DPYD: variants seen among roughly 807,000 people sequenced by gnomAD.
DPYD encodes the protein dihydropyrimidine dehydrogenase, also known as dihydropyrimidine dehydrogenase [NADP(+)].
In DPYD, 109 loss-of-function variants were observed where a neutral mutation model predicts 116.2. That is an observed-to-expected ratio of 0.94 (90% CI 0.80 to 1.10). The LOEUF is 1.10. Among genes scored for constraint, DPYD ranks in the 50% least tolerant of loss-of-function variants. DPYD has a pLI of 0.00. For synonymous variants in DPYD, 440 were observed against 432.0 expected (o/e 1.02, Z -0.23); for missense variants, 1,302 against 1,254.5 (o/e 1.04, Z -0.57).
chr1:97,261,352 T>A (rs1397404107), intron 18 of DPYD, among the ~76,000 whole-genome samples: 4 of 152,038 alleles, frequency 2.6e-5, no homozygotes, highest in African/African-American at 9.7e-5. Flanking sequence ...TGTAAATATA[T>A]GTATCTGCAA....
intron 20 of DPYD, among the ~76,000 whole-genome samples, chr1:97,127,513 C>T (rs1652940617): frequency 6.6e-6 from 1 of 152,104 alleles, no homozygotes; most frequent in Admixed American, 6.6e-5. Flanking sequence ...TATCCCATTC[C>T]ACCTCCTTTT....
At chr1:97,458,312 A>G (rs1676813171) in intron 13 of DPYD, among the ~76,000 whole-genome samples, 1 of 152,192 alleles carries the variant, frequency 6.6e-6, no homozygotes, top group South Asian at 2.1e-4. Flanking sequence ...TAAAAGAGTC[A>G]AGAGAGGAGT....
At chr1:97,323,563 A>G (rs1392445491) in intron 16 of DPYD, among the ~76,000 whole-genome samples, 1 of 109,208 alleles carries the variant, frequency 9.2e-6, no homozygotes, top group African/African-American at 3.5e-5. Flanking sequence ...ATATGTGTAT[A>G]TATACACGTA....
intron 20 of DPYD, among the ~76,000 whole-genome samples, chr1:97,163,978 G>T (rs969290543): frequency 1.3e-5 from 2 of 152,176 alleles, no homozygotes; most frequent in East Asian, 3.9e-4. Context: ...AAAAAATAAA[G>T]AAAACTTCAG....
chr1:97,357,593 T>C (rs1670490267), intron 16 of DPYD, among the ~76,000 whole-genome samples: 1 of 152,180 alleles, frequency 6.6e-6, no homozygotes, highest in Non-Finnish European at 1.5e-5. Context: ...CATGGATATA[T>C]TGCATACTGG....
intron 22 of DPYD, 101 bp downstream of exon 22, chr1:97,082,229 C>A: frequency 7.0e-7 from 1 of 1,431,768 alleles, no homozygotes; most frequent in Non-Finnish European, 9.8e-7. Flanking sequence ...ATATTTGGCA[C>A]CACTGGTTTA....
At chr1:97,288,476 A>G (rs1665894858) in intron 18 of DPYD, among the ~76,000 whole-genome samples, 1 of 152,260 alleles carries the variant, frequency 6.6e-6, no homozygotes, top group Non-Finnish European at 1.5e-5. Context: ...CAGAAATTAT[A>G]ACAAACTGTC....
intron 1 of DPYD, among the ~76,000 whole-genome samples, chr1:97,890,147 T>G (rs1383598380): frequency 2.6e-5 from 4 of 151,988 alleles, no homozygotes. Flanking sequence ...ATAAAAAGGA[T>G]AAGTGATTTC....
At chr1:97,316,546 T>A (rs71575687) in intron 16 of DPYD, among the ~76,000 whole-genome samples, 2,236 of 150,610 alleles carry the variant, frequency 0.015, 35 homozygotes, top group South Asian at 0.024. Flanking sequence ...TAAAATAAAA[T>A]AAAATAAAAT....
intron 8 of DPYD, among the ~76,000 whole-genome samples, chr1:97,627,749 G>T (rs1284484689): frequency 6.6e-6 from 1 of 151,808 alleles, no homozygotes; most frequent in Non-Finnish European, 1.5e-5. Flanking sequence ...CATTTATCCA[G>T]CCTAGATGAC....
Position 97,305,272 on chromosome 1 carries a change from A to G in DPYD, c.2286T>C (p.Tyr762=). Residue 762 remains tyrosine, a synonymous_variant, in exon 18 of 23, where the codon TAT becomes TAC. Transcript: ENST00000370192. Reference sequence around the variant, plus strand: ...GGCAACACCTACCAGACACTCCTCCATATGTAGTTCGCTTTGCAATCCCCA... The same window carrying G: ...GGCAACACCTACCAGACACTCCTCCGTATGTAGTTCGCTTTGCAATCCCCA... ...PAVGIAKRTT[Y]GGVSGTAIRP... is the part of the protein sequence containing the mutation. 6.2e-7 allele frequency: 1 copy of G among 1,612,366 alleles called. No homozygotes were observed. The highest frequency in any genetic ancestry group is 8.5e-7 in the Non-Finnish European group (1 of 1,178,888).
chr1:97,910,598 G>C (rs1345969264), intron 1 of DPYD, among the ~76,000 whole-genome samples: 1 of 152,000 alleles, frequency 6.6e-6, no homozygotes, highest in Non-Finnish European at 1.5e-5. Flanking sequence ...ATTTGCCAAG[G>C]TCAAAACTAG....
intron 13 of DPYD, among the ~76,000 whole-genome samples, chr1:97,453,233 C>T (rs943852462): frequency 2.0e-5 from 3 of 152,054 alleles, no homozygotes; most frequent in Non-Finnish European, 4.4e-5. Context: ...TGCTGGGTAT[C>T]GCTGATCTCT....
intron 16 of DPYD, among the ~76,000 whole-genome samples, chr1:97,354,606 C>G (rs1358467286): frequency 6.6e-6 from 1 of 151,822 alleles, no homozygotes; most frequent in Non-Finnish European, 1.5e-5. Flanking sequence ...GGAAAGATAG[C>G]AAAAAATCAG....
chr1:97,212,833 A>T (rs1359606818), intron 19 of DPYD, among the ~76,000 whole-genome samples: 19 of 152,168 alleles, frequency 1.2e-4, no homozygotes, highest in Admixed American at 1.2e-3. Flanking sequence ...GTAAATTCAT[A>T]TCACAACTTG....
intron 18 of DPYD, among the ~76,000 whole-genome samples, chr1:97,270,332 T>C (rs557786798): frequency 6.6e-6 from 1 of 152,338 alleles, no homozygotes; most frequent in African/African-American, 2.4e-5. Flanking sequence ...AATTTTTTAT[T>C]CTTCCCTACC....
At chr1:97,474,477 A>G (rs1677839381) in intron 13 of DPYD, among the ~76,000 whole-genome samples, 1 of 152,104 alleles carries the variant, frequency 6.6e-6, no homozygotes, top group South Asian at 2.1e-4. Flanking sequence ...AAATCCTTTG[A>G]AAAGAGAGTT....
At chr1:97,659,364 A>G (rs1321756839) in intron 8 of DPYD, among the ~76,000 whole-genome samples, 1 of 152,198 alleles carries the variant, frequency 6.6e-6, no homozygotes, top group African/African-American at 2.4e-5. Flanking sequence ...TTCAAGGGAA[A>G]GCTTTCAATG....
At chr1:97,782,247 A>G (rs1666788454) in intron 3 of DPYD, among the ~76,000 whole-genome samples, 1 of 152,222 alleles carries the variant, frequency 6.6e-6, no homozygotes, top group South Asian at 2.1e-4. Flanking sequence ...GGTTCACTTC[A>G]CATTACATAA....
Sources: allele counts gnomAD v4.1 joint callset (sites outside exome capture counted in the v4.1 genomes callset), GRCh38; gene constraint gnomAD v4.1.1; transcripts MANE v1.5; gene names NCBI Gene and HGNC (gene_info 2026-07-23, HGNC 2026-07-21).